PLD5: variants seen among roughly 807,000 people sequenced by gnomAD.
PLD5 encodes inactive phospholipase D5.
A neutral mutation model predicts 61.1 loss-of-function variants in PLD5; 36 were observed. The observed-to-expected ratio is 0.59, with a 90% CI of 0.45 to 0.78. PLD5 has a LOEUF of 0.78. Ranked by LOEUF, PLD5 falls within the 30% of genes least tolerant of loss-of-function variation. PLD5 has a pLI of 0.00. For missense variants in PLD5, 515 were observed against 644.4 expected, an observed-to-expected ratio of 0.80 and a Z score of 2.17; for synonymous variants, 243 against 242.8, an observed-to-expected ratio of 1.00 and a Z score of -0.01.
At chr1:242,514,548 C>T (rs1321550132) in intron 1 of PLD5, among the ~76,000 whole-genome samples, 1 of 151,820 alleles carries the variant, frequency 6.6e-6, no homozygotes, top group Non-Finnish European at 1.5e-5. Flanking sequence ...ATGTGTTTAC[C>T]CATGTAACAA....
intron 5 of PLD5, among the ~76,000 whole-genome samples, chr1:242,164,942 G>C (rs942253138): frequency 6.6e-6 from 1 of 152,098 alleles, no homozygotes; most frequent in Non-Finnish European, 1.5e-5. Flanking sequence ...CCCTTCCACA[G>C]ACCACATGAC....
At chr1:242,495,855 C>T (rs1291779389) in intron 1 of PLD5, among the ~76,000 whole-genome samples, 2 of 152,110 alleles carry the variant, frequency 1.3e-5, no homozygotes, top group East Asian at 3.8e-4. Context: ...ATCAGACCCC[C>T]TAGGGAAACA....
rs1351594519 is a variant in PLD5, at chr1:242,256,791, T to TATC, written c.607+8543_607+8545dup. Among the ~76,000 whole-genome samples the TATC allele has an allele frequency of 1.2e-4, 17 of 145,882 alleles. No homozygotes were observed. The highest frequency in any genetic ancestry group is 4.4e-4 in the African/African-American group (17 of 38,860). Reference sequence around the variant, plus strand: ...CTATCTATCTATCTATCTATCTATCTATCTATTAATATCTATCTTTCTATG... The same window carrying TATC: ...CTATCTATCTATCTATCTATCTATCTATCATCTATTAATATCTATCTTTCTATG... On this transcript the variant is annotated intron_variant, in intron 4 of 9. Coordinates refer to ENST00000536534, the MANE Select transcript of PLD5 (RefSeq NM_001372062.1). This position sits in a 1 kb window ranked among gnomAD's most constrained non-coding sequence, Gnocchi z 5.7.
intron 4 of PLD5, among the ~76,000 whole-genome samples, chr1:242,243,712 A>G (rs1336552112): frequency 6.6e-6 from 1 of 152,162 alleles, no homozygotes; most frequent in Non-Finnish European, 1.5e-5. Flanking sequence ...TCTACTATAG[A>G]CAGAAGCCTC....
chr1:242,395,061 G>GAT (rs1255407832), intron 1 of PLD5, among the ~76,000 whole-genome samples: 1 of 84,956 alleles, frequency 1.2e-5, no homozygotes, highest in African/African-American at 3.9e-5. Context: ...GAATATATAT[G>GAT]TATATATATG....
chr1:242,336,735 A>T (rs61847235), intron 2 of PLD5, among the ~76,000 whole-genome samples: 2 of 150,264 alleles, frequency 1.3e-5, no homozygotes, highest in African/African-American at 2.4e-5. Flanking sequence ...TGTATATATT[A>T]GTTTTTCTAT....
chr1:242,160,175 C>CTAAT (rs1665713627), intron 5 of PLD5, among the ~76,000 whole-genome samples: 1 of 152,014 alleles, frequency 6.6e-6, no homozygotes, highest in South Asian at 2.1e-4. Context: ...CCACATCTGG[C>CTAAT]TAATTAATTT....
chr1:242,358,526 C>G (rs1057338948), intron 1 of PLD5, among the ~76,000 whole-genome samples: 2 of 151,808 alleles, frequency 1.3e-5, no homozygotes, highest in African/African-American at 4.8e-5. Flanking sequence ...TTGGGTGGAA[C>G]AGCTGGCTAT....
intron 4 of PLD5, among the ~76,000 whole-genome samples, chr1:242,241,406 C>T (rs1435163572): frequency 1.3e-5 from 2 of 152,118 alleles, no homozygotes; most frequent in African/African-American, 4.8e-5. Flanking sequence ...AATTAAGGAG[C>T]CCTAGCAAAA....
intron 5 of PLD5, among the ~76,000 whole-genome samples, chr1:242,132,606 C>T (rs982284471): frequency 3.3e-5 from 5 of 152,110 alleles, no homozygotes; most frequent in African/African-American, 9.7e-5. Context: ...TTTCTGCCCT[C>T]AAGGTGAAAT....
intron 1 of PLD5, among the ~76,000 whole-genome samples, chr1:242,405,159 C>T (rs549957319): frequency 2.0e-5 from 3 of 152,156 alleles, no homozygotes; most frequent in South Asian, 2.1e-4. Context: ...TGAGCCACCT[C>T]GCCTGGCCCT....
intron 5 of PLD5, among the ~76,000 whole-genome samples, chr1:242,161,026 A>C (rs1665785065): frequency 6.6e-6 from 1 of 151,868 alleles, no homozygotes; most frequent in Non-Finnish European, 1.5e-5. Flanking sequence ...TTTTTTTATC[A>C]GTATTTTTAA....
chr1:242,411,044 CA>C (rs1432165592), intron 1 of PLD5, among the ~76,000 whole-genome samples: 3 of 151,844 alleles, frequency 2.0e-5, no homozygotes, highest in Admixed American at 2.0e-4. Flanking sequence ...TTTTGGAAGA[CA>C]AAATGATGAT....
intron 2 of PLD5, among the ~76,000 whole-genome samples, chr1:242,300,748 AGCGGGACAAGGGTTG>A: frequency 2.0e-4 from 1 of 5,078 alleles, no homozygotes; most frequent in Non-Finnish European, 8.1e-4. Flanking sequence ...AATGGGTTGC[AGCGGGACAAGGGTTG>A]CAGCGGGAGA....
chr1:242,246,478 AACACACACACAC>A (rs34723926), intron 4 of PLD5, among the ~76,000 whole-genome samples: 33 of 141,106 alleles, frequency 2.3e-4, no homozygotes, highest in East Asian at 4.1e-4. Context: ...TAGAAAAGAC[AACACACACACAC>A]ACACACACAC....
intron 4 of PLD5, among the ~76,000 whole-genome samples, chr1:242,261,931 C>T (rs12033464): frequency 0.26 from 39,493 of 152,078 alleles, 5,793 homozygotes; most frequent in Non-Finnish European, 0.34. Context: ...CTATCGAAAT[C>T]GAACACATAT....
At chr1:242,172,936 A>G (rs140656529) in intron 5 of PLD5, among the ~76,000 whole-genome samples, 7,112 of 152,254 alleles carry the variant, frequency 0.047, 244 homozygotes, top group Non-Finnish European at 0.072. Context: ...TTCACAGCCA[A>G]ATTCTACCAG....
rs1659663304 is a variant in PLD5, at chr1:242,089,699, A to G, written c.*155T>C. The stretch of plus-strand genomic sequence containing the variant: ...ATTTTAGTGTACACGACGCTAAGAT[A>G]TTGTTAGATAGGTATTATGTGTTGT... On this transcript the variant is annotated 3_prime_UTR_variant, in exon 10 of 10. Transcript: ENST00000536534. The G allele has an allele frequency of 2.2e-6, 2 of 912,216 alleles. No homozygotes were observed. The highest frequency in any genetic ancestry group is 1.7e-5 in the South Asian group (1 of 58,136). 56.5% of individuals were successfully genotyped at this position (912,216 alleles called of 1,614,324 possible). A position where few individuals can be genotyped will look rare whatever the true frequency, so the allele number is the denominator to read the frequency against.
rs1663222427 is a variant in PLD5 at position 242,394,277 on chromosome 1, T to TGA, written c.190-46036_190-46035insTC. 5.1e-5 allele frequency among the ~76,000 whole-genome samples: 5 copies of TGA among 97,090 alleles called. 2 individuals carry two copies. The highest frequency in any genetic ancestry group is 4.1e-4 in the South Asian group (1 of 2,410). The allele number at this position is 97,090 out of a possible 152,430, so 63.7% of individuals were successfully genotyped here. On this transcript the variant is annotated intron_variant, in intron 1 of 9. Transcript: ENST00000536534. The stretch of plus-strand genomic sequence containing the variant: ...ATATATATGAGTATGAGTATATATA[T>TGA]GTGTATATATATGAGTATATATATG...
Sources: gnomAD v4.1 joint callset for allele counts (sites outside exome capture counted in the v4.1 genomes callset) on GRCh38, gnomAD v4.1.1 for gene constraint, Gnocchi (gnomAD v3.1) non-coding constraint, MANE v1.5 for transcripts, NCBI Gene and HGNC (gene_info 2026-07-23, HGNC 2026-07-21) for gene names.